The following GPC5 variants were observed in gnomAD, a reference collection of about 807,000 sequenced individuals.
GPC5 encodes glypican-5.
In GPC5, 47 loss-of-function variants were observed where a neutral mutation model predicts 53.9. The ratio of observed to expected loss-of-function variants is 0.87; its 90% confidence interval spans 0.69 to 1.11. The LOEUF (loss-of-function observed/expected upper bound fraction) is 1.11. Among genes scored for constraint, GPC5 ranks in the 50% most tolerant of loss-of-function variants. GPC5 has a pLI of 0.00. For missense variants in GPC5, 748 were observed against 713.1 expected, an observed-to-expected ratio of 1.05 and a Z score of -0.56; for synonymous variants, 286 against 263.3, an observed-to-expected ratio of 1.09 and a Z score of -0.84.
At chr13:91,855,275 A>G (rs2138899573) in intron 5 of GPC5, among the ~76,000 whole-genome samples, 1 of 151,764 alleles carries the variant, frequency 6.6e-6, no homozygotes, top group African/African-American at 2.4e-5. Context: ...ACAGCTTCAA[A>G]CTTCATTGGC....
chr13:92,855,873 T>C (rs1372693576), intron 7 of GPC5, among the ~76,000 whole-genome samples: 3 of 151,930 alleles, frequency 2.0e-5, no homozygotes. Flanking sequence ...TTAAAAACTC[T>C]ATGAACCAAA....
chr13:91,410,868 T>C (rs996577868), intron 1 of GPC5, among the ~76,000 whole-genome samples: 1 of 152,082 alleles, frequency 6.6e-6, no homozygotes, highest in Non-Finnish European at 1.5e-5. Context: ...CTCAGCACTT[T>C]GGGAGGCTGA....
chr13:91,709,152 C>T (rs2036173760), intron 3 of GPC5, among the ~76,000 whole-genome samples: 2 of 152,150 alleles, frequency 1.3e-5, no homozygotes, highest in Non-Finnish European at 2.9e-5. Context: ...ACCAGCTGGG[C>T]ATGCAGCTAC....
intron 2 of GPC5, among the ~76,000 whole-genome samples, chr13:91,499,037 C>G (rs968665528): frequency 6.6e-6 from 1 of 151,854 alleles, no homozygotes; most frequent in Non-Finnish European, 1.5e-5. Context: ...GGATGGGGCT[C>G]AGGGAGTTCC....
intron 7 of GPC5, among the ~76,000 whole-genome samples, chr13:92,788,657 A>G (rs944044735): frequency 6.6e-6 from 1 of 152,182 alleles, no homozygotes; most frequent in African/African-American, 2.4e-5. Context: ...ATGATCGGAA[A>G]TGATACCAAA....
intron 1 of GPC5, among the ~76,000 whole-genome samples, chr13:91,431,634 T>C (rs998028846): frequency 6.6e-6 from 1 of 152,152 alleles, no homozygotes; most frequent in Non-Finnish European, 1.5e-5. Context: ...AAAATCCAAT[T>C]GGTTCTGTCT....
chr13:92,289,418 T>C (rs1422443622), intron 7 of GPC5, among the ~76,000 whole-genome samples: 1 of 152,056 alleles, frequency 6.6e-6, no homozygotes, highest in Non-Finnish European at 1.5e-5. Context: ...ATTTTCTCAA[T>C]AACGTGAATT....
intron 7 of GPC5, among the ~76,000 whole-genome samples, chr13:92,488,770 GT>G (rs1879654161): frequency 6.6e-6 from 1 of 152,200 alleles, no homozygotes; most frequent in Admixed American, 6.5e-5. Flanking sequence ...TCATGATAAT[GT>G]TTGAAGCTTT....
At chr13:92,237,849 C>T (rs1262347916) in intron 7 of GPC5, among the ~76,000 whole-genome samples, 1 of 152,062 alleles carries the variant, frequency 6.6e-6, no homozygotes, top group Non-Finnish European at 1.5e-5. Context: ...TACTAGGCAA[C>T]CACTAATCTA....
intron 1 of GPC5, among the ~76,000 whole-genome samples, chr13:91,422,762 A>T (rs1399532987): frequency 6.6e-6 from 1 of 152,198 alleles, no homozygotes. Context: ...GCTGCAGGTC[A>T]TCACATAACA....
At chr13:91,857,636 T>C (rs1268456262) in intron 5 of GPC5, among the ~76,000 whole-genome samples, 1 of 151,106 alleles carries the variant, frequency 6.6e-6, no homozygotes, top group African/African-American at 2.4e-5. Flanking sequence ...TAATACTGGC[T>C]CAAACCTCAG....
intron 7 of GPC5, among the ~76,000 whole-genome samples, chr13:92,608,680 G>A (rs894439595): frequency 6.6e-6 from 1 of 152,182 alleles, no homozygotes; most frequent in Non-Finnish European, 1.5e-5. Context: ...ATCCCTGTGT[G>A]TATACATGTT....
intron 7 of GPC5, among the ~76,000 whole-genome samples, chr13:92,220,310 A>C (rs2042439739): frequency 6.6e-6 from 1 of 152,222 alleles, no homozygotes; most frequent in Non-Finnish European, 1.5e-5. Flanking sequence ...GGGTGGCAGC[A>C]GAACAAGTGT....
chr13:92,570,778 C>T (rs1882998752), intron 7 of GPC5, among the ~76,000 whole-genome samples: 1 of 151,928 alleles, frequency 6.6e-6, no homozygotes, highest in African/African-American at 2.4e-5. Context: ...ACAATTATAC[C>T]TATTAGTATT....
At chr13:92,426,643 G>A (rs1472120491) in intron 7 of GPC5, among the ~76,000 whole-genome samples, 2 of 151,850 alleles carry the variant, frequency 1.3e-5, no homozygotes, top group South Asian at 2.1e-4. Flanking sequence ...AGTTCTTCTG[G>A]CTTATTTTAT....
chr13:91,949,001 A>T (rs1249414450), intron 6 of GPC5, among the ~76,000 whole-genome samples: 1 of 152,216 alleles, frequency 6.6e-6, no homozygotes, highest in Non-Finnish European at 1.5e-5. Flanking sequence ...ACCAGATGGT[A>T]CTTAGCTCCA....
At chr13:92,303,082 T>C (rs1341956321) in intron 7 of GPC5, among the ~76,000 whole-genome samples, 1 of 152,202 alleles carries the variant, frequency 6.6e-6, no homozygotes, top group Non-Finnish European at 1.5e-5. Context: ...TCTAACATTT[T>C]CATTGTTTTT....
intron 5 of GPC5, among the ~76,000 whole-genome samples, chr13:91,880,997 G>A (rs994560932): frequency 9.9e-5 from 15 of 152,040 alleles, no homozygotes; most frequent in African/African-American, 3.6e-4. Flanking sequence ...TGACATGTTG[G>A]CAAGGCTGGT....
At position 91,990,384 on chromosome 13, in the gene GPC5, G is replaced by A. The variant is rs542303046; in HGVS notation, c.1401+82327G>A. On this transcript the variant is annotated intron_variant, in intron 6 of 7. Coordinates refer to ENST00000377067, the MANE Select transcript of GPC5 (RefSeq NM_004466.6). ...ATATTTTCTAAACCTCAGTTTTCTC[G>A]TTGGTACAGGGGTGGCTGTGAGGAC... Among the ~76,000 whole-genome samples, 79 of 152,146 alleles carry A rather than the reference G, an allele frequency of 5.2e-4. No individual in the cohort carries two copies. The South Asian group carries it at 9.4e-3, about 18-fold the overall frequency.
Sources: allele counts gnomAD v4.1 joint callset (sites outside exome capture counted in the v4.1 genomes callset), GRCh38; gene constraint gnomAD v4.1.1; transcripts MANE v1.5; gene names NCBI Gene and HGNC (gene_info 2026-07-23, HGNC 2026-07-21).